The following GPM6B variants were observed in gnomAD, a reference collection of about 807,000 sequenced individuals.
GPM6B encodes neuronal membrane glycoprotein M6-b.
In GPM6B, 4 loss-of-function variants were observed where a neutral mutation model predicts 27.2. That is an observed-to-expected ratio of 0.15 (90% CI 0.07 to 0.34). The LOEUF is 0.34. Ranked by LOEUF, GPM6B falls within the 10% of genes least tolerant of loss-of-function variation. The pLI is 1.00. For missense variants in GPM6B, 183 were observed against 261.9 expected, an observed-to-expected ratio of 0.70 and a Z score of 2.08; for synonymous variants, 124 against 103.1, an observed-to-expected ratio of 1.20 and a Z score of -1.23.
chrX:13,834,097 T>C (rs1371830830), intron 1 of GPM6B, among the ~76,000 whole-genome samples: 3 of 112,789 alleles, frequency 2.7e-5, no homozygotes, highest in East Asian at 5.6e-4. Context: ...ATAAACATTA[T>C]GTGCCCAGAA....
At chrX:13,933,895 A>G (rs1390315731) in intron 1 of GPM6B, among the ~76,000 whole-genome samples, 1 of 112,064 alleles carries the variant, frequency 8.9e-6, no homozygotes, top group Non-Finnish European at 1.9e-5. Flanking sequence ...AACTCCAATC[A>G]GGTCCTTGCA....
chrX:13,798,482 G>A (rs1339215136), intron 2 of GPM6B, among the ~76,000 whole-genome samples: 1 of 111,964 alleles, frequency 8.9e-6, no homozygotes. Context: ...TGTATGCATA[G>A]GGTGTTTATA....
At chrX:13,876,903 A>G (rs974796546) in intron 1 of GPM6B, among the ~76,000 whole-genome samples, 4 of 111,073 alleles carry the variant, frequency 3.6e-5, no homozygotes, top group Non-Finnish European at 5.7e-5. Context: ...TCACTGGAGT[A>G]ATTTGGGAAC....
chrX:13,795,844 C>T (rs2048803831), intron 2 of GPM6B, among the ~76,000 whole-genome samples: 1 of 108,782 alleles, frequency 9.2e-6, no homozygotes, highest in African/African-American at 3.4e-5. Flanking sequence ...CCTCTGCCTC[C>T]CGGGTTCAAG....
intron 1 of GPM6B, among the ~76,000 whole-genome samples, chrX:13,898,085 G>A (rs1306545355): frequency 5.4e-5 from 6 of 111,627 alleles, no homozygotes; most frequent in Admixed American, 4.8e-4. Context: ...AGGAGAGAGG[G>A]TATCTGTATT....
At chrX:13,799,645 C>T (rs1041640014) in intron 2 of GPM6B, among the ~76,000 whole-genome samples, 5 of 110,305 alleles carry the variant, frequency 4.5e-5, no homozygotes, top group African/African-American at 1.7e-4. Context: ...GATCATCATT[C>T]AACACTATGA....
intron 2 of GPM6B, among the ~76,000 whole-genome samples, chrX:13,789,857 G>GT (rs1026086857): frequency 7.4e-5 from 8 of 108,796 alleles, no homozygotes; most frequent in East Asian, 2.9e-4. Flanking sequence ...GTTTTGTTTT[G>GT]TTTTTTGAAA....
chrX:13,772,037 T>G lies in GPM6B; in HGVS notation c.*844A>C, dbSNP rs1303068775. ...CACTTCTTAATAATTAAGAAAAACA[T>G]TTATGGAACAAAATTCTGTGAAAGA... On this transcript the variant is annotated 3_prime_UTR_variant, in exon 8 of 8. Transcript: ENST00000316715. 2 of 112,317 alleles carry G rather than the reference T, an allele frequency of 1.8e-5. No homozygotes were observed. Among genetic ancestry groups the G allele is most frequent in the Non-Finnish European group, 3.8e-5 (2 of 53,185 alleles). 9.3% of individuals were successfully genotyped at this position (112,317 alleles called of 1,213,427 possible).
intron 1 of GPM6B, among the ~76,000 whole-genome samples, chrX:13,843,127 A>T (rs771594269): frequency 8.9e-6 from 1 of 111,948 alleles, no homozygotes; most frequent in African/African-American, 3.3e-5. Context: ...CTCTGGTTCA[A>T]AGCAACCATT....
intron 1 of GPM6B, among the ~76,000 whole-genome samples, chrX:13,909,011 T>G (rs1197086416): frequency 1.8e-5 from 2 of 111,607 alleles, no homozygotes; most frequent in Admixed American, 1.9e-4. Context: ...ATTTTTAGAT[T>G]TACAGAATTA....
rs753438525 is a variant in GPM6B at position 13,840,427 on chromosome X, C to T, written c.-197-54619G>A. The stretch of plus-strand genomic sequence containing the variant: ...GGGCTCCGGGAAGGCTGACACCACG[C>T]GCCTGACATTTCCTGGTGTCCCCAT... On this transcript the variant is annotated intron_variant, in intron 1 of 6. Coordinates refer to the GPM6B transcript ENST00000398361. Among the ~76,000 whole-genome samples, 15 of 111,686 alleles carry T rather than the reference C, an allele frequency of 1.3e-4. No individual in the cohort carries two copies. The South Asian group carries it at 1.5e-3, about 11-fold the overall frequency.
chrX:13,883,693 TAAAAA>T (rs763473816), intron 1 of GPM6B, among the ~76,000 whole-genome samples: 1 of 76,956 alleles, frequency 1.3e-5, no homozygotes, highest in African/African-American at 4.9e-5. Flanking sequence ...CTTCGTCTCT[TAAAAA>T]AAAAAAAAAA....
chrX:13,774,762 A>G, intron 7 of GPM6B: 1 of 467,447 alleles, frequency 2.1e-6, no homozygotes, highest in Middle Eastern at 4.8e-4. Context: ...ACAACAGACA[A>G]TTTTCCTATC....
chrX:13,856,009 G>C (rs1328121521), intron 1 of GPM6B, among the ~76,000 whole-genome samples: 1 of 111,366 alleles, frequency 9.0e-6, no homozygotes, highest in Non-Finnish European at 1.9e-5. Context: ...CAGTCAAAGA[G>C]AACCACCACC....
At chrX:13,874,429 G>A (rs1364751321) in intron 1 of GPM6B, among the ~76,000 whole-genome samples, 1 of 110,349 alleles carries the variant, frequency 9.1e-6, no homozygotes, top group African/African-American at 3.3e-5. Context: ...TAGGCGCAGT[G>A]GCCCACGCCT....
chrX:13,806,501 G>A (rs1330277859), intron 2 of GPM6B, among the ~76,000 whole-genome samples: 2 of 111,712 alleles, frequency 1.8e-5, no homozygotes, highest in East Asian at 2.8e-4. Flanking sequence ...TTTAGCCAGC[G>A]CTGCACAGGC....
intron 1 of GPM6B, among the ~76,000 whole-genome samples, chrX:13,925,029 C>CT (rs1944568868): frequency 8.9e-6 from 1 of 112,010 alleles, no homozygotes; most frequent in African/African-American, 3.2e-5. Context: ...AGCTTAGAAA[C>CT]TGAGTTTTCC....
At chrX:13,859,495 C>T (rs1425076953) in intron 1 of GPM6B, among the ~76,000 whole-genome samples, 1 of 111,015 alleles carries the variant, frequency 9.0e-6, no homozygotes, top group Non-Finnish European at 1.9e-5. Context: ...TTTGGGCTGT[C>T]TTCAGTTTGG....
chrX:13,865,588 A>AAG (rs2049906424), intron 1 of GPM6B, among the ~76,000 whole-genome samples: 1 of 99,068 alleles, frequency 1.0e-5, no homozygotes, highest in African/African-American at 3.6e-5. Context: ...AAGAAAAGAA[A>AAG]AAAAAAACAA....
Sources: allele counts gnomAD v4.1 joint callset (sites outside exome capture counted in the v4.1 genomes callset), GRCh38; gene constraint gnomAD v4.1.1; transcripts MANE v1.5; gene names NCBI Gene and HGNC (gene_info 2026-07-23, HGNC 2026-07-21).